OSMR: variants seen among roughly 807,000 people sequenced by gnomAD.
The protein encoded by OSMR is oncostatin M receptor, also known as oncostatin-M-specific receptor subunit beta.
Under a neutral mutation model 99.9 loss-of-function variants are expected in OSMR, and 81 were observed. The ratio of observed to expected loss-of-function variants is 0.81; its 90% CI spans 0.68 to 0.97. OSMR has a LOEUF of 0.97. Among genes scored for constraint, OSMR ranks in the 50% least tolerant of loss-of-function variants. OSMR has a pLI of 0.00. For missense variants in OSMR, 1,099 were observed against 1,153.4 expected (o/e 0.95, Z 0.68); for synonymous variants, 406 against 410.4 (o/e 0.99, Z 0.13).
intron 15 of OSMR, among the ~76,000 whole-genome samples, chr5:38,928,967 C>A (rs920876048): frequency 2.6e-5 from 4 of 152,084 alleles, no homozygotes; most frequent in Non-Finnish European, 5.9e-5. Flanking sequence ...ATTCATCTCC[C>A]TTATGTTAAA....
chr5:38,904,128 C>T, intron 8 of OSMR, 104 bp downstream of exon 8: 1 of 1,556,506 alleles, frequency 6.4e-7, no homozygotes, highest in East Asian at 2.4e-5. Flanking sequence ...TGTGTAGGTT[C>T]AAATGGTGTG....
At chr5:38,849,025 G>A (rs1367985800) in intron 1 of OSMR, among the ~76,000 whole-genome samples, 5 of 151,970 alleles carry the variant, frequency 3.3e-5, no homozygotes, top group African/African-American at 1.2e-4. Context: ...CAGTCCACCT[G>A]CCTTGGCCTC....
At chr5:38,921,875 GACTT>G in intron 12 of OSMR, 81 bp downstream of exon 12, 4 of 1,190,246 alleles carry the variant, frequency 3.4e-6, no homozygotes, top group Non-Finnish European at 5.0e-6. Context: ...CTACTTCACA[GACTT>G]TGACTGTGCT....
intron 4 of OSMR, 65 bp from the exon 5 acceptor site, chr5:38,883,762 T>C: frequency 6.2e-7 from 1 of 1,610,664 alleles, no homozygotes; most frequent in Non-Finnish European, 8.5e-7. Flanking sequence ...GGCAAATGGA[T>C]AACTTGTTTT....
chr5:38,898,670 ATCTT>A (rs1423043652), intron 7 of OSMR, among the ~76,000 whole-genome samples: 3 of 151,998 alleles, frequency 2.0e-5, no homozygotes, highest in Non-Finnish European at 4.4e-5. Context: ...TTATGGTCTT[ATCTT>A]TCTTCTTTCC....
intron 1 of OSMR, among the ~76,000 whole-genome samples, chr5:38,861,831 G>C (rs1741369683): frequency 1.3e-5 from 2 of 148,426 alleles, no homozygotes; most frequent in Non-Finnish European, 1.5e-5. Flanking sequence ...CTGGGCAGAG[G>C]CGCCCCTCAC....
chr5:38,919,578 A>T (rs1746128201), intron 11 of OSMR: 2 of 312,852 alleles, frequency 6.4e-6, no homozygotes, highest in African/African-American at 4.4e-5. Context: ...ATGAAAGAGC[A>T]AACAAGGTGG....
chr5:38,855,374 G>A (rs1482825704), intron 1 of OSMR, among the ~76,000 whole-genome samples: 4 of 152,056 alleles, frequency 2.6e-5, no homozygotes, highest in African/African-American at 4.8e-5. Flanking sequence ...CTGTGTATCC[G>A]GCTAGCTGCC....
At chr5:38,910,513 C>T (rs1228468340) in intron 9 of OSMR, among the ~76,000 whole-genome samples, 1 of 152,168 alleles carries the variant, frequency 6.6e-6, no homozygotes, top group Non-Finnish European at 1.5e-5. Context: ...ACCAAACACA[C>T]TCTCAGGCAA....
At chr5:38,860,654 T>A (rs927441446) in intron 1 of OSMR, among the ~76,000 whole-genome samples, 25 of 152,290 alleles carry the variant, frequency 1.6e-4, no homozygotes, top group African/African-American at 5.8e-4. Flanking sequence ...TAGTTCTTAG[T>A]AAGTTTGGTA....
At chr5:38,866,106 G>A (rs1226924259) in intron 1 of OSMR, among the ~76,000 whole-genome samples, 5 of 152,192 alleles carry the variant, frequency 3.3e-5, no homozygotes, top group Admixed American at 3.3e-4. Context: ...TCCAGAAAGT[G>A]TGAGTGGCTG....
At chr5:38,898,776 TA>T (rs988763233) in intron 7 of OSMR, among the ~76,000 whole-genome samples, 2 of 152,054 alleles carry the variant, frequency 1.3e-5, no homozygotes, top group African/African-American at 4.8e-5. Context: ...TCGTTATACA[TA>T]TTTTTTTAAA....
intron 15 of OSMR, 90 bp from the exon 16 acceptor site, chr5:38,931,793 A>C (rs1163937462): frequency 7.0e-6 from 11 of 1,567,708 alleles, no homozygotes; most frequent in Admixed American, 1.7e-5. Context: ...ATAAACATGT[A>C]AAATTACTTT....
At position 38,933,366 on chromosome 5, in the gene OSMR, T is replaced by TCTTGC. The variant is rs1273428640; in HGVS notation, c.2870_2874dup (p.Pro959CysfsTer16). 6.2e-7 allele frequency: 1 copy of TCTTGC among 1,614,116 alleles called. No homozygotes were observed. Among genetic ancestry groups the TCTTGC allele is most frequent in the East Asian group, 2.2e-5 (1 of 44,882 alleles). On this transcript the variant is annotated frameshift_variant, in exon 18 of 18. Transcript: ENST00000274276. LOFTEE classifies it low-confidence loss of function (END_TRUNC). ...AAATGCAAATGGCAGTCTCCCTGCGTCTTGCCTTGCCTCCCCCGACCGAGA... is the reference window on the plus strand; with the variant it reads ...AAATGCAAATGGCAGTCTCCCTGCGTCTTGCCTTGCCTTGCCTCCCCCGACCGAGA...
chr5:38,859,329 T>C (rs552168229), intron 1 of OSMR, among the ~76,000 whole-genome samples: 10 of 152,366 alleles, frequency 6.6e-5, no homozygotes, highest in African/African-American at 2.4e-4. Context: ...GTATCCAGTT[T>C]TCCCAGCACC....
chr5:38,940,996 T>C (rs1025711585), intron 1 of OSMR: 4 of 232,756 alleles, frequency 1.7e-5, no homozygotes, highest in East Asian at 6.1e-5. Context: ...TATTTATATA[T>C]AGATCTCAAA....
Position 38,919,014 on chromosome 5 carries a change from G to A in OSMR, c.1537G>A (p.Gly513Ser). ...QICVIANNSV[G>S]ASPASVIVIS... is the part of the protein sequence containing the mutation. ...CTGCGTCATAGCCAACAACAGTGTG[G>A]GTGCTTCTCCTGCTTCTGTAATAGT... is the stretch of plus-strand genomic sequence containing the variant. The change falls in exon 11 of 18, where the codon GGT becomes AGT. Residue 513 changes from glycine (G) to serine (S), a missense_variant. Gly to Ser is a moderately conservative substitution (Grantham distance 56). Transcript: ENST00000274276. 6.2e-7 allele frequency: 1 copy of A among 1,614,014 alleles called. No homozygotes were observed. The highest frequency in any genetic ancestry group is 2.2e-5 in the East Asian group (1 of 44,876).
intron 4 of OSMR, among the ~76,000 whole-genome samples, chr5:38,882,077 T>A (rs750396013): frequency 1.3e-5 from 2 of 152,240 alleles, no homozygotes; most frequent in Non-Finnish European, 2.9e-5. Flanking sequence ...ATTGTACATA[T>A]GTATTTATTT....
downstream of OSMR, among the ~76,000 whole-genome samples, chr5:38,937,041 C>A (rs576593103): frequency 1.3e-5 from 2 of 152,304 alleles, no homozygotes; most frequent in South Asian, 4.1e-4. The surrounding 1 kb of genome is among the most constrained non-coding windows in gnomAD (Gnocchi z 4.0). Context: ...TCGGGGCCAA[C>A]TACCTTTTTT....
Sources: allele counts gnomAD v4.1 joint callset (sites outside exome capture counted in the v4.1 genomes callset), GRCh38; gene constraint gnomAD v4.1.1; non-coding constraint Gnocchi (gnomAD v3.1); transcripts MANE v1.5; gene names NCBI Gene and HGNC (gene_info 2026-07-23, HGNC 2026-07-21).